Variants in PAPPA observed in about 807,000 individuals in gnomAD.
PAPPA encodes pappalysin-1.
PAPPA carries 60 observed loss-of-function variants against 164.0 expected under a neutral mutation model. The observed-to-expected ratio is 0.37, with a 90% CI of 0.30 to 0.45. The LOEUF (loss-of-function observed/expected upper bound fraction) is 0.45, where lower values mean the gene tolerates loss of function less well. Among genes scored for constraint, PAPPA ranks in the 20% least tolerant of loss-of-function variants. The pLI is 1.00. For missense variants in PAPPA, 1,782 were observed against 2,087.3 expected, an observed-to-expected ratio of 0.85 and a Z score of 2.85; for synonymous variants, 875 against 814.1, an observed-to-expected ratio of 1.07 and a Z score of -1.27.
intron 1 of PAPPA, among the ~76,000 whole-genome samples, chr9:116,172,528 G>A (rs999053371): frequency 5.9e-5 from 9 of 152,198 alleles, no homozygotes; most frequent in African/African-American, 2.2e-4. Flanking sequence ...AATGTTCCCT[G>A]TGAGCAAAAT....
At chr9:116,264,715 CA>C (rs1161752645) in intron 7 of PAPPA, among the ~76,000 whole-genome samples, 1 of 152,104 alleles carries the variant, frequency 6.6e-6, no homozygotes, top group East Asian at 1.9e-4. Context: ...TCTTCATTAT[CA>C]TTTTGTGTTT....
chr9:116,395,961 T>C (rs1846957217), intron 21 of PAPPA, among the ~76,000 whole-genome samples: 1 of 152,196 alleles, frequency 6.6e-6, no homozygotes, highest in Admixed American at 6.5e-5. Context: ...GATATTCCAT[T>C]ACACAGTTCT....
At chr9:116,391,804 C>A (rs940773098) in intron 21 of PAPPA, among the ~76,000 whole-genome samples, 3 of 152,196 alleles carry the variant, frequency 2.0e-5, no homozygotes, top group Non-Finnish European at 4.4e-5. Context: ...CAAATGTAAA[C>A]TGGCCACCAT....
intron 7 of PAPPA, among the ~76,000 whole-genome samples, chr9:116,245,092 G>C (rs1158992132): frequency 6.6e-6 from 1 of 151,702 alleles, no homozygotes; most frequent in East Asian, 1.9e-4. Flanking sequence ...ACTTAGAAGT[G>C]GGAGCTAAAT....
chr9:116,370,407 A>T (rs1396287537), intron 19 of PAPPA, among the ~76,000 whole-genome samples: 2 of 152,218 alleles, frequency 1.3e-5, no homozygotes, highest in South Asian at 2.1e-4. Context: ...CCAGTCTGAT[A>T]GTTTACTTCA....
At chr9:116,280,001 G>A (rs1300427960) in intron 9 of PAPPA, among the ~76,000 whole-genome samples, 1 of 152,188 alleles carries the variant, frequency 6.6e-6, no homozygotes, top group Non-Finnish European at 1.5e-5. Flanking sequence ...AAAGTAATGT[G>A]CCTAAAATAA....
At chr9:116,255,303 T>C (rs1271335818) in intron 7 of PAPPA, among the ~76,000 whole-genome samples, 5 of 152,014 alleles carry the variant, frequency 3.3e-5, no homozygotes, top group Admixed American at 2.0e-4. Flanking sequence ...ATCTCTGACA[T>C]TGAGCAGATG....
At chr9:116,260,461 A>C (rs969927763) in intron 7 of PAPPA, among the ~76,000 whole-genome samples, 2 of 152,144 alleles carry the variant, frequency 1.3e-5, no homozygotes, top group Admixed American at 6.5e-5. Flanking sequence ...GTGCCCAGAC[A>C]TTACCCTCTG....
At chr9:116,359,822 T>A (rs1040087501) in intron 17 of PAPPA, among the ~76,000 whole-genome samples, 2 of 152,216 alleles carry the variant, frequency 1.3e-5, no homozygotes, top group Admixed American at 6.5e-5. Context: ...GAGCTAGAAA[T>A]GTCATCTGGA....
intron 10 of PAPPA, among the ~76,000 whole-genome samples, chr9:116,324,034 T>C (rs1845892269): frequency 6.6e-6 from 1 of 152,158 alleles, no homozygotes; most frequent in African/African-American, 2.4e-5. Context: ...GCAGCTTCTA[T>C]TTCAGGAGCC....
At chr9:116,252,254 C>T (rs974602987) in intron 7 of PAPPA, among the ~76,000 whole-genome samples, 3 of 152,162 alleles carry the variant, frequency 2.0e-5, no homozygotes, top group African/African-American at 7.2e-5. Flanking sequence ...TTTTGCATTA[C>T]CTGTGTGAGA....
chr9:116,174,316 AG>A (rs1228238828), intron 1 of PAPPA, among the ~76,000 whole-genome samples: 1 of 151,998 alleles, frequency 6.6e-6, no homozygotes, highest in Non-Finnish European at 1.5e-5. Flanking sequence ...CTCTCCTGAA[AG>A]GCTCACCCTA....
intron 7 of PAPPA, among the ~76,000 whole-genome samples, chr9:116,236,586 C>CAAA (rs35004875): frequency 2.4e-5 from 2 of 84,766 alleles, no homozygotes; most frequent in South Asian, 3.9e-4. Context: ...AACTCCATCT[C>CAAA]AAAAAAAAAA....
intron 2 of PAPPA, among the ~76,000 whole-genome samples, chr9:116,191,041 G>A (rs1844036090): frequency 6.6e-6 from 1 of 151,882 alleles, no homozygotes; most frequent in Non-Finnish European, 1.5e-5. Flanking sequence ...AGGGAGGAAG[G>A]GAAGGAGGGA....
chr9:116,261,402 G>A (rs1283988336), intron 7 of PAPPA, among the ~76,000 whole-genome samples: 1 of 152,118 alleles, frequency 6.6e-6, no homozygotes, highest in Non-Finnish European at 1.5e-5. Flanking sequence ...ATAGGGTAAT[G>A]AGCCTGTCTC....
intron 1 of PAPPA, among the ~76,000 whole-genome samples, chr9:116,173,161 G>T (rs1390829953): frequency 6.6e-6 from 1 of 152,176 alleles, no homozygotes; most frequent in Non-Finnish European, 1.5e-5. Flanking sequence ...TTTAAATTAT[G>T]AAGCCCCAAA....
At chr9:116,385,642 TC>T (rs1360189581) in intron 21 of PAPPA, among the ~76,000 whole-genome samples, 11 of 152,226 alleles carry the variant, frequency 7.2e-5, no homozygotes, top group Non-Finnish European at 1.3e-4. Context: ...TACTGTTGTT[TC>T]CTCCTTGTCT....
chr9:116,286,419 C>G (rs1845340028), intron 9 of PAPPA: 2 of 152,186 alleles, frequency 1.3e-5, no homozygotes, highest in Admixed American at 6.5e-5. Flanking sequence ...CTGCCACCCC[C>G]CAGGCAGAGA....
intron 21 of PAPPA, among the ~76,000 whole-genome samples, chr9:116,390,419 A>C (rs976910242): frequency 6.6e-6 from 1 of 152,160 alleles, no homozygotes; most frequent in African/African-American, 2.4e-5. Flanking sequence ...GCAAGGGGAA[A>C]AGGGATAAAA....
Sources: allele counts gnomAD v4.1 joint callset (sites outside exome capture counted in the v4.1 genomes callset), GRCh38; gene constraint gnomAD v4.1.1; transcripts MANE v1.5; gene names NCBI Gene and HGNC (gene_info 2026-07-23, HGNC 2026-07-21).